Variants in ELMO1 observed in about 807,000 individuals in gnomAD.
The protein encoded by ELMO1 is engulfment and cell motility protein 1.
Under a neutral mutation model 98.9 loss-of-function variants are expected in ELMO1, and 26 were observed. That is an observed-to-expected ratio of 0.26 (90% CI 0.19 to 0.36). The LOEUF (loss-of-function observed/expected upper bound fraction) is 0.36. ELMO1 is among the 10% of genes least tolerant of loss of function. ELMO1 has a pLI of 1.00. For missense variants in ELMO1, 627 were observed against 935.2 expected, an observed-to-expected ratio of 0.67 and a Z score of 4.30; for synonymous variants, 346 against 346.0, an observed-to-expected ratio of 1.00 and a Z score of 0.00.
intron 13 of ELMO1, among the ~76,000 whole-genome samples, chr7:37,177,518 TAAAC>T (rs759706559): frequency 5.9e-5 from 9 of 152,228 alleles, no homozygotes; most frequent in Non-Finnish European, 1.0e-4. Context: ...TCTTAGGAAA[TAAAC>T]AAAAGTGACC....
intron 16 of ELMO1, among the ~76,000 whole-genome samples, chr7:36,956,542 A>G (rs954815535): frequency 1.3e-5 from 2 of 152,224 alleles, no homozygotes; most frequent in African/African-American, 2.4e-5. Flanking sequence ...GCTAGACTGC[A>G]TATAAAAAAA....
intron 10 of ELMO1, among the ~76,000 whole-genome samples, chr7:37,220,363 A>C (rs1395318637): frequency 1.3e-5 from 2 of 152,190 alleles, no homozygotes. Flanking sequence ...TGAGTCATAT[A>C]ATACTTCATA....
intron 2 of ELMO1, among the ~76,000 whole-genome samples, chr7:37,321,712 G>A (rs1385821136): frequency 2.2e-4 from 9 of 41,158 alleles, no homozygotes; most frequent in African/African-American, 5.4e-4. Context: ...GCGAGACTCC[G>A]TCTCAAAAAA....
At chr7:37,176,317 A>AAGTAC (rs1790494498) in intron 13 of ELMO1, among the ~76,000 whole-genome samples, 1 of 152,194 alleles carries the variant, frequency 6.6e-6, no homozygotes, top group African/African-American at 2.4e-5. Context: ...CTCCCTATGC[A>AAGTAC]TTGACAAAGT....
In ELMO1 at chr7:36,883,033, C is replaced by G. The variant is rs571263179; in HGVS notation, c.1714+4527G>C. On this transcript the variant is annotated intron_variant, in intron 18 of 21. Coordinates refer to ENST00000310758, the MANE Select transcript of ELMO1 (RefSeq NM_014800.11). ...GGAGAAAGGAATGACCTGCTCCCCA[C>G]AACAGGGCAATATGGTTACCATGCC... Among the ~76,000 whole-genome samples the G allele has an allele frequency of 1.4e-4, 22 of 152,302 alleles. No individual in the cohort carries two copies. The South Asian group carries it at 3.9e-3, about 27-fold the overall frequency.
At chr7:37,430,473 C>T (rs1315701944) in intron 1 of ELMO1, among the ~76,000 whole-genome samples, 1 of 152,262 alleles carries the variant, frequency 6.6e-6, no homozygotes, top group Non-Finnish European at 1.5e-5. Context: ...TTCTCCCAGA[C>T]AGACCTTATT....
intron 13 of ELMO1, among the ~76,000 whole-genome samples, chr7:37,173,754 T>C (rs1790329894): frequency 6.6e-6 from 1 of 152,212 alleles, no homozygotes; most frequent in Non-Finnish European, 1.5e-5. Context: ...ATTTTCTTTT[T>C]AAAAGGTCTC....
intron 15 of ELMO1, among the ~76,000 whole-genome samples, chr7:37,092,003 G>C (rs1349129796): frequency 6.6e-6 from 1 of 152,068 alleles, no homozygotes; most frequent in East Asian, 1.9e-4. Flanking sequence ...ATGAGATTTG[G>C]GTGGGGACAC....
chr7:36,939,505 TAC>T (rs991577477), intron 16 of ELMO1, among the ~76,000 whole-genome samples: 7 of 152,258 alleles, frequency 4.6e-5, no homozygotes, highest in Non-Finnish European at 8.8e-5. Context: ...CCAGCAAGTC[TAC>T]ACAGAGTAGA....
chr7:36,991,079 GGTCTCT>G (rs1791842984), intron 16 of ELMO1, among the ~76,000 whole-genome samples: 1 of 152,142 alleles, frequency 6.6e-6, no homozygotes, highest in Admixed American at 6.5e-5. Context: ...TGATGGTAAT[GGTCTCT>G]ACAGTTTACG....
In ELMO1 at chr7:37,446,202, C is replaced by G. The variant is rs138163111; in HGVS notation, c.-74+2473G>C. On this transcript the variant is annotated intron_variant, in intron 1 of 21. Coordinates refer to ENST00000310758, the MANE Select transcript of ELMO1 (RefSeq NM_014800.11). ...AGCCACCTCTCATTTAGTCAGTCAA[C>G]AAACACTTATTGAGCACCGACATCA... is the stretch of plus-strand genomic sequence containing the variant. Among the ~76,000 whole-genome samples, 264 of 152,332 alleles carry G rather than the reference C, an allele frequency of 1.7e-3. 1 individual carries two copies. The highest frequency in any genetic ancestry group is 3.3e-3 in the Admixed American group (50 of 15,310).
chr7:37,111,532 A>G (rs1785250687), intron 14 of ELMO1, among the ~76,000 whole-genome samples: 2 of 152,230 alleles, frequency 1.3e-5, no homozygotes, highest in Non-Finnish European at 1.5e-5. Context: ...CTTTTGTACT[A>G]GCATACTACC....
intron 13 of ELMO1, among the ~76,000 whole-genome samples, chr7:37,164,331 CTTTAG>C (rs1378905539): frequency 2.0e-5 from 3 of 152,076 alleles, no homozygotes; most frequent in Non-Finnish European, 2.9e-5. Context: ...TGCAGAAGCT[CTTTAG>C]TTTAATTAGA....
intron 16 of ELMO1, among the ~76,000 whole-genome samples, chr7:36,945,646 C>G (rs1787415545): frequency 6.6e-6 from 1 of 152,176 alleles, no homozygotes. Flanking sequence ...TTAAATCGGG[C>G]AAATTTCCCC....
chr7:37,389,649 T>C (rs1802979641), intron 1 of ELMO1, among the ~76,000 whole-genome samples: 1 of 152,104 alleles, frequency 6.6e-6, no homozygotes, highest in South Asian at 2.1e-4. Context: ...GAATAATAGC[T>C]TGGTCACAGG....
At chr7:36,973,766 G>A (rs569121360) in intron 16 of ELMO1, among the ~76,000 whole-genome samples, 7 of 152,190 alleles carry the variant, frequency 4.6e-5, no homozygotes, top group Non-Finnish European at 2.9e-5. Context: ...AGCGGGAACC[G>A]GGGCTGCGCG....
intron 18 of ELMO1, 136 bp downstream of exon 18, chr7:36,887,424 G>T (rs775825733): frequency 1.5e-6 from 1 of 679,480 alleles, no homozygotes; most frequent in Non-Finnish European, 2.5e-6. Flanking sequence ...AACCAGAAAC[G>T]ACCTGGACTG....
chr7:37,083,953 T>C (rs917142419), intron 15 of ELMO1, among the ~76,000 whole-genome samples: 12 of 152,176 alleles, frequency 7.9e-5, no homozygotes, highest in African/African-American at 2.7e-4. Flanking sequence ...GTCGAACCCA[T>C]TTCCCATAGA....
chr7:37,118,069 CT>C (rs1220420633), intron 14 of ELMO1, among the ~76,000 whole-genome samples: 4 of 152,174 alleles, frequency 2.6e-5, no homozygotes, highest in Non-Finnish European at 4.4e-5. Flanking sequence ...CAATCATTTG[CT>C]TCATAGTTAA....
Sources: gnomAD v4.1 joint callset for allele counts (sites outside exome capture counted in the v4.1 genomes callset) on GRCh38, gnomAD v4.1.1 for gene constraint, MANE v1.5 for transcripts, NCBI Gene and HGNC (gene_info 2026-07-23, HGNC 2026-07-21) for gene names.